Variants in STXBP5L observed in about 807,000 individuals in gnomAD.
STXBP5L encodes syntaxin binding protein 5L.
Under a neutral mutation model 144.5 loss-of-function variants are expected in STXBP5L, and 65 were observed. The ratio of observed to expected loss-of-function variants is 0.45; its 90% confidence interval spans 0.37 to 0.55. STXBP5L has a LOEUF of 0.55. STXBP5L is among the 20% of genes least tolerant of loss of function. The probability of loss-of-function intolerance (pLI) is 0.00; values close to 1 mark genes in which losing one functional copy is unlikely to be tolerated. For synonymous variants in STXBP5L, 505 were observed against 469.6 expected (o/e 1.08, Z -0.97); for missense variants, 1,298 against 1,405.5 (o/e 0.92, Z 1.22).
At chr3:121,080,247 A>T (rs2042193609) in intron 5 of STXBP5L, among the ~76,000 whole-genome samples, 1 of 152,144 alleles carries the variant, frequency 6.6e-6, no homozygotes, top group Non-Finnish European at 1.5e-5. Context: ...TGAAGACAAC[A>T]GATATTGGGT....
At chr3:121,225,316 C>T (rs962128239) in intron 11 of STXBP5L, among the ~76,000 whole-genome samples, 4 of 151,950 alleles carry the variant, frequency 2.6e-5, no homozygotes, top group Non-Finnish European at 5.9e-5. Flanking sequence ...ACTCTCGGGG[C>T]ACAATTGGTA....
intron 5 of STXBP5L, among the ~76,000 whole-genome samples, chr3:121,094,520 T>C (rs1034409317): frequency 2.0e-5 from 3 of 152,088 alleles, no homozygotes; most frequent in African/African-American, 7.2e-5. Flanking sequence ...CCTTTACCAT[T>C]ATGTAATGGC....
rs528239556 is a variant in STXBP5L, at chr3:120,984,872, A to G, written c.287+29835A>G. The stretch of plus-strand genomic sequence containing the variant: ...TTATTTGTTGAGAGTTTTTATTATA[A>G]AATGGTGTTGAATTTTGTCAAATGC... On this transcript the variant is annotated intron_variant, in intron 3 of 26. Transcript: ENST00000471454. Among the ~76,000 whole-genome samples, 8 of 151,804 alleles carry G rather than the reference A, an allele frequency of 5.3e-5. No homozygotes were observed. The East Asian group carries it at 1.5e-3, about 29-fold the overall frequency.
intron 2 of STXBP5L, among the ~76,000 whole-genome samples, chr3:120,954,117 G>A (rs1439620846): frequency 6.6e-6 from 1 of 151,960 alleles, no homozygotes; most frequent in Non-Finnish European, 1.5e-5. Context: ...ATTATTTTGT[G>A]GATGCATTTT....
chr3:121,351,060 C>CTGCTCTG (rs144155718), intron 20 of STXBP5L, among the ~76,000 whole-genome samples: 25,724 of 151,856 alleles, frequency 0.17, 2,574 homozygotes, highest in East Asian at 0.51. Flanking sequence ...TCCAGTTTTT[C>CTGCTCTG]TGCTCTGTTT....
chr3:121,047,476 T>G (rs1174863423), intron 5 of STXBP5L, among the ~76,000 whole-genome samples: 1 of 152,156 alleles, frequency 6.6e-6, no homozygotes, highest in Non-Finnish European at 1.5e-5. Context: ...ACTATTATTG[T>G]GTGGGAATCT....
At chr3:121,228,472 CT>C (rs2049192610) in intron 11 of STXBP5L, among the ~76,000 whole-genome samples, 4 of 152,186 alleles carry the variant, frequency 2.6e-5, no homozygotes, top group Non-Finnish European at 4.4e-5. Flanking sequence ...CTAGGTAGTT[CT>C]CAGGAAGAAA....
chr3:121,010,185 G>A (rs1376944587), intron 3 of STXBP5L, among the ~76,000 whole-genome samples: 1 of 151,830 alleles, frequency 6.6e-6, no homozygotes. Flanking sequence ...GTCCTTAAGA[G>A]ATTCGAGTCT....
intron 3 of STXBP5L, among the ~76,000 whole-genome samples, chr3:121,030,495 C>G (rs1427086625): frequency 6.6e-6 from 1 of 152,092 alleles, no homozygotes; most frequent in African/African-American, 2.4e-5. Flanking sequence ...CACATGGATA[C>G]AGCATGGCGA....
At chr3:121,401,229 T>C (rs1209198997) in intron 22 of STXBP5L, among the ~76,000 whole-genome samples, 1 of 152,140 alleles carries the variant, frequency 6.6e-6, no homozygotes, top group Non-Finnish European at 1.5e-5. Context: ...TCCCTTCAAA[T>C]CTCCACTGTT....
At chr3:120,979,340 A>T (rs1441281359) in intron 3 of STXBP5L, among the ~76,000 whole-genome samples, 4 of 151,790 alleles carry the variant, frequency 2.6e-5, no homozygotes, top group African/African-American at 9.7e-5. Context: ...TGGGCATAGG[A>T]CCCTCCGAGC....
At chr3:120,957,926 A>G (rs572516612) in intron 3 of STXBP5L, among the ~76,000 whole-genome samples, 1 of 152,312 alleles carries the variant, frequency 6.6e-6, no homozygotes, top group East Asian at 1.9e-4. Flanking sequence ...ACTGAAGGAC[A>G]TAGAGACACA....
chr3:121,340,750 T>C (rs1402750264), intron 20 of STXBP5L, among the ~76,000 whole-genome samples: 2 of 152,072 alleles, frequency 1.3e-5, no homozygotes, highest in South Asian at 2.1e-4. Flanking sequence ...AAATTGCTCA[T>C]ACATTAAGTA....
rs1445969564 is a variant in STXBP5L at position 121,245,581 on chromosome 3, T to C, written c.1400+5074T>C. On this transcript the variant is annotated intron_variant, in intron 14 of 26. Transcript: ENST00000471454. ...CTCACTTTAGATTTAAGGACACACA[T>C]AGGTTGAAAGTGAAAGGATAGAAAA... is the stretch of plus-strand genomic sequence containing the variant. 2.0e-5 allele frequency among the ~76,000 whole-genome samples: 3 copies of C among 152,020 alleles called. 1 individual carries two copies. The highest frequency in any genetic ancestry group is 4.4e-5 in the Non-Finnish European group (3 of 67,984).
At chr3:120,988,755 A>G (rs991373192) in intron 3 of STXBP5L, among the ~76,000 whole-genome samples, 1 of 152,044 alleles carries the variant, frequency 6.6e-6, no homozygotes, top group Non-Finnish European at 1.5e-5. Flanking sequence ...CTTTTAGTGT[A>G]GCCATCACAA....
intron 5 of STXBP5L, among the ~76,000 whole-genome samples, chr3:121,084,321 C>A (rs1464495654): frequency 6.6e-6 from 1 of 152,098 alleles, no homozygotes. Context: ...AGGTATTGAG[C>A]CCTGCATGCA....
chr3:121,407,518 T>G lies in STXBP5L; in HGVS notation c.2863T>G (p.Phe955Val). 1 of 1,613,402 alleles carries G rather than the reference T, an allele frequency of 6.2e-7. No homozygotes were observed. The highest frequency in any genetic ancestry group is 8.5e-7 in the Non-Finnish European group (1 of 1,179,550). The change falls in exon 23 of 27, where the codon TTT becomes GTT. Residue 955 changes from phenylalanine (F) to valine (V), a missense_variant. Transcript: ENST00000471454. ...TGTTCATAACATCACGGAGACATCT[T>G]TTATACTGCAAGCAAATGTGGTGGT... ...LYVHNITETS[F>V]ILQANVVVMC...
chr3:121,252,737 TAAAAC>T (rs1288094034), intron 15 of STXBP5L, among the ~76,000 whole-genome samples: 1 of 152,198 alleles, frequency 6.6e-6, no homozygotes, highest in Admixed American at 6.5e-5. Flanking sequence ...TTTAACAACT[TAAAAC>T]AATACCCATT....
intron 3 of STXBP5L, among the ~76,000 whole-genome samples, chr3:120,985,776 C>T (rs1942232270): frequency 6.6e-6 from 1 of 151,798 alleles, no homozygotes; most frequent in South Asian, 2.1e-4. Context: ...TTCCATTTTT[C>T]ATTTCTGACT....
Sources: allele counts gnomAD v4.1 joint callset (sites outside exome capture counted in the v4.1 genomes callset), GRCh38; gene constraint gnomAD v4.1.1; transcripts MANE v1.5; gene names NCBI Gene and HGNC (gene_info 2026-07-23, HGNC 2026-07-21).